The following ULK4 variants were observed in gnomAD, a reference collection of about 807,000 sequenced individuals.
ULK4 encodes the protein unc-51 like kinase 4.
ULK4 carries 133 observed loss-of-function variants against 160.6 expected under a neutral mutation model. The observed-to-expected ratio is 0.83, with a 90% CI of 0.72 to 0.96. The LOEUF (loss-of-function observed/expected upper bound fraction) is 0.96, where lower values mean the gene tolerates loss of function less well. ULK4 is among the 40% of genes least tolerant of loss of function. ULK4 has a pLI of 0.00. For synonymous variants in ULK4, 534 were observed against 539.8 expected (o/e 0.99, Z 0.15); for missense variants, 1,580 against 1,499.5 (o/e 1.05, Z -0.89).
At chr3:41,498,648 T>C (rs1019072820) in intron 32 of ULK4, among the ~76,000 whole-genome samples, 1 of 151,534 alleles carries the variant, frequency 6.6e-6, no homozygotes, top group East Asian at 1.9e-4. Flanking sequence ...CAGGCTGGAG[T>C]GCAGTGGCAC....
chr3:41,708,695 T>C (rs1001920559), intron 25 of ULK4, among the ~76,000 whole-genome samples: 1 of 152,158 alleles, frequency 6.6e-6, no homozygotes, highest in Non-Finnish European at 1.5e-5. Flanking sequence ...TAGGTGAGTA[T>C]AGTTAATAAA....
chr3:41,311,958 A>ATT (rs2080058933), intron 35 of ULK4, among the ~76,000 whole-genome samples: 1 of 120,156 alleles, frequency 8.3e-6, no homozygotes, highest in African/African-American at 4.5e-5. Context: ...CTTCTAACAC[A>ATT]CATTTATTTT....
chr3:41,548,453 C>A (rs1019345214), intron 32 of ULK4, among the ~76,000 whole-genome samples: 1 of 152,074 alleles, frequency 6.6e-6, no homozygotes, highest in African/African-American at 2.4e-5. Flanking sequence ...CTACCTGCCA[C>A]CAGCACCCAA....
chr3:41,616,052 C>G (rs1013872190), intron 30 of ULK4, among the ~76,000 whole-genome samples: 3 of 152,158 alleles, frequency 2.0e-5, no homozygotes, highest in African/African-American at 7.2e-5. Flanking sequence ...CCAACCCTCT[C>G]TGCACTGTTA....
intron 22 of ULK4, among the ~76,000 whole-genome samples, chr3:41,731,234 G>A (rs1226006518): frequency 2.0e-5 from 3 of 151,960 alleles, no homozygotes; most frequent in African/African-American, 7.2e-5. Context: ...GACTCCAATT[G>A]TTCCTGCTTG....
At chr3:41,693,670 A>T (rs1171293888) in intron 27 of ULK4, among the ~76,000 whole-genome samples, 1 of 152,234 alleles carries the variant, frequency 6.6e-6, no homozygotes, top group East Asian at 1.9e-4. Flanking sequence ...CTGTTTATCT[A>T]CAAGAGTAAT....
At chr3:41,523,157 C>T (rs1344177398) in intron 32 of ULK4, among the ~76,000 whole-genome samples, 1 of 152,168 alleles carries the variant, frequency 6.6e-6, no homozygotes, top group African/African-American at 2.4e-5. Flanking sequence ...GATCCGCCTG[C>T]CTCAGCCTCC....
intron 20 of ULK4, among the ~76,000 whole-genome samples, chr3:41,792,284 G>GGT (rs149631008): frequency 6.6e-6 from 1 of 151,556 alleles, no homozygotes; most frequent in Non-Finnish European, 1.5e-5. Context: ...GAGAGGTAGG[G>GGT]GTGTGTGTGT....
intron 32 of ULK4, among the ~76,000 whole-genome samples, chr3:41,557,400 T>TA: frequency 6.6e-6 from 1 of 151,804 alleles, no homozygotes; most frequent in East Asian, 1.9e-4. Flanking sequence ...ACTATTAATA[T>TA]AAAAAAAGAA....
intron 35 of ULK4, among the ~76,000 whole-genome samples, chr3:41,316,725 T>C (rs1338081631): frequency 6.6e-6 from 1 of 152,230 alleles, no homozygotes; most frequent in African/African-American, 2.4e-5. Flanking sequence ...GTACCCTCTG[T>C]ATCTAAAATC....
At chr3:41,864,333 T>C (rs1231491739) in intron 17 of ULK4, among the ~76,000 whole-genome samples, 1 of 151,286 alleles carries the variant, frequency 6.6e-6, no homozygotes, top group Admixed American at 6.6e-5. Flanking sequence ...GGAGTGGTGT[T>C]GGCAATTCAG....
At chr3:41,913,056 C>T (rs1199215024) in intron 8 of ULK4, 157 bp from the exon 9 acceptor site, 7 of 614,706 alleles carry the variant, frequency 1.1e-5, no homozygotes, top group Non-Finnish European at 2.0e-5. Context: ...ATGCTATTAA[C>T]CTCTTTTAGA....
chr3:41,924,016 C>T (rs1335907145), intron 5 of ULK4, among the ~76,000 whole-genome samples: 2 of 152,212 alleles, frequency 1.3e-5, no homozygotes, highest in Non-Finnish European at 1.5e-5. Context: ...TGTGACACTA[C>T]TCTGAAGGTT....
At chr3:41,424,152 C>T (rs1446548723) in intron 34 of ULK4, among the ~76,000 whole-genome samples, 1 of 152,090 alleles carries the variant, frequency 6.6e-6, no homozygotes, top group Non-Finnish European at 1.5e-5. Flanking sequence ...CTTCACAGGG[C>T]AGCACAGCAG....
chr3:41,887,292 A>G (rs1697760710), intron 16 of ULK4, among the ~76,000 whole-genome samples: 1 of 152,258 alleles, frequency 6.6e-6, no homozygotes, highest in African/African-American at 2.4e-5. Flanking sequence ...ATCCACATGC[A>G]GAAATTACCA....
At chr3:41,462,075 G>C (rs1575255452) in intron 33 of ULK4, among the ~76,000 whole-genome samples, 1 of 152,100 alleles carries the variant, frequency 6.6e-6, no homozygotes, top group African/African-American at 2.4e-5. Flanking sequence ...TTACAGTTTG[G>C]GTTTAATACT....
chr3:41,886,077 A>G (rs1697710455), intron 16 of ULK4, among the ~76,000 whole-genome samples: 1 of 152,304 alleles, frequency 6.6e-6, no homozygotes, highest in South Asian at 2.1e-4. Flanking sequence ...TGGTTACCTC[A>G]TAAGTAGGAC....
chr3:41,519,912 T>C (rs549809100), intron 32 of ULK4, among the ~76,000 whole-genome samples: 9 of 152,290 alleles, frequency 5.9e-5, no homozygotes. Flanking sequence ...CTTTCCAAAC[T>C]GTGGAATAAT....
intron 35 of ULK4, among the ~76,000 whole-genome samples, chr3:41,258,761 C>G (rs1008874754): frequency 6.6e-6 from 1 of 152,120 alleles, no homozygotes; most frequent in Non-Finnish European, 1.5e-5. Flanking sequence ...GCTAAGACAT[C>G]TGCCTGGTAG....
Sources: allele counts gnomAD v4.1 joint callset (sites outside exome capture counted in the v4.1 genomes callset), GRCh38; gene constraint gnomAD v4.1.1; transcripts MANE v1.5; gene names NCBI Gene and HGNC (gene_info 2026-07-23, HGNC 2026-07-21).